The following PACSIN2 variants were observed in gnomAD, a reference collection of about 807,000 sequenced individuals.
The protein encoded by PACSIN2 is protein kinase C and casein kinase substrate in neurons 2, also known as protein kinase C and casein kinase substrate in neurons protein 2.
A neutral mutation model predicts 63.8 loss-of-function variants in PACSIN2; 25 were observed. The ratio of observed to expected loss-of-function variants is 0.39; its 90% CI spans 0.29 to 0.55. The LOEUF is 0.55. Ranked by LOEUF, PACSIN2 falls within the 20% of genes least tolerant of loss-of-function variation. The pLI is 0.62. For synonymous variants in PACSIN2, 255 were observed against 256.2 expected, an observed-to-expected ratio of 1.00 and a Z score of 0.05; for missense variants, 518 against 646.9, an observed-to-expected ratio of 0.80 and a Z score of 2.16.
intron 1 of PACSIN2, among the ~76,000 whole-genome samples, chr22:42,982,870 A>T (rs1293236174): frequency 2.0e-4 from 15 of 76,080 alleles, no homozygotes; most frequent in African/African-American, 9.6e-4. Flanking sequence ...AATGATCAAT[A>T]AAAAAAAAAA....
chr22:42,921,051 C>A (rs896881804), intron 1 of PACSIN2, among the ~76,000 whole-genome samples: 1 of 151,836 alleles, frequency 6.6e-6, no homozygotes, highest in East Asian at 1.9e-4. Flanking sequence ...TGTGCCTGCT[C>A]CAGGGTCATT....
At chr22:42,938,741 G>A (rs569079175) in intron 1 of PACSIN2, among the ~76,000 whole-genome samples, 13 of 152,316 alleles carry the variant, frequency 8.5e-5, no homozygotes, top group African/African-American at 2.9e-4. Flanking sequence ...GGAGCTCCAC[G>A]AGGGAAGGGC....
At chr22:42,992,695 G>T (rs960916863) in intron 1 of PACSIN2, among the ~76,000 whole-genome samples, 2 of 152,306 alleles carry the variant, frequency 1.3e-5, no homozygotes, top group African/African-American at 4.8e-5. Context: ...CTTCATTTGT[G>T]ATTACACCAA....
Position 42,921,022 on chromosome 22 carries a change from T to C in PACSIN2, c.-77-8865A>G, listed in dbSNP as rs960658793. 2.6e-5 allele frequency among the ~76,000 whole-genome samples: 4 copies of C among 151,934 alleles called. No homozygotes were observed. In the East Asian group the frequency reaches 7.8e-4, roughly 29 times the overall value. On this transcript the variant is annotated intron_variant, in intron 1 of 10. Transcript: ENST00000263246. ...TATTGCCCAAGCTGGTCTTGAACTC[T>C]TGGGCTCAAGTGATCCACTGTGCCT...
chr22:43,012,836 T>C (rs190173799), intron 1 of PACSIN2, among the ~76,000 whole-genome samples: 15 of 152,270 alleles, frequency 9.9e-5, no homozygotes, highest in Admixed American at 2.0e-4. Context: ...GTATTTTTAG[T>C]AGACATGGGG....
intron 1 of PACSIN2, among the ~76,000 whole-genome samples, chr22:42,918,274 T>C (rs1198602926): frequency 6.6e-6 from 1 of 152,170 alleles, no homozygotes; most frequent in Non-Finnish European, 1.5e-5. Context: ...CAAAAGCTAT[T>C]TGATGACTGA....
In PACSIN2 at chr22:42,935,082, ATTT is replaced by A. The variant is rs780923075; in HGVS notation, c.-77-22928_-77-22926del. On this transcript the variant is annotated intron_variant, in intron 1 of 10. Coordinates refer to ENST00000263246, the MANE Select transcript of PACSIN2 (RefSeq NM_001184970.3). The stretch of plus-strand genomic sequence containing the variant: ...AGGTGCCCGCCACCGCGCCCGGCTA[ATTT>A]TTTTTTTTTTTTTTTATTTTCAGTA... 4.3e-5 allele frequency among the ~76,000 whole-genome samples: 6 copies of A among 139,920 alleles called. 1 individual carries two copies. Among genetic ancestry groups the A allele is most frequent in the African/African-American group, 8.2e-5 (3 of 36,506 alleles). 91.8% of individuals were successfully genotyped at this position (139,920 alleles called of 152,430 possible). A position where few individuals can be genotyped will look rare whatever the true frequency, so the allele number is the denominator to read the frequency against.
intron 1 of PACSIN2, among the ~76,000 whole-genome samples, chr22:42,933,019 T>C (rs17003421): frequency 0.024 from 3,710 of 152,296 alleles, 148 homozygotes; most frequent in African/African-American, 0.086. Context: ...GTATCAAGAG[T>C]TGCTGTATCA....
At chr22:43,013,434 T>A (rs1924632840) in intron 1 of PACSIN2, among the ~76,000 whole-genome samples, 1 of 152,058 alleles carries the variant, frequency 6.6e-6, no homozygotes, top group South Asian at 2.1e-4. Flanking sequence ...AGAATTAAGT[T>A]TAAGTCCACA....
At chr22:42,975,549 T>C (rs1181097217) in intron 1 of PACSIN2, among the ~76,000 whole-genome samples, 2 of 150,324 alleles carry the variant, frequency 1.3e-5, no homozygotes, top group Non-Finnish European at 3.0e-5. Flanking sequence ...ATGAGTCTCT[T>C]TTTATAAAAT....
At chr22:42,964,907 TG>T (rs1238064390) in intron 1 of PACSIN2, among the ~76,000 whole-genome samples, 1 of 152,018 alleles carries the variant, frequency 6.6e-6, no homozygotes, top group East Asian at 1.9e-4. Context: ...ACCCATGGCT[TG>T]GATAAAAAGA....
At chr22:42,962,775 C>CGGGGGGGGGGGGG (rs1555936911) in intron 1 of PACSIN2, among the ~76,000 whole-genome samples, 3 of 16,412 alleles carry the variant, frequency 1.8e-4, no homozygotes, top group African/African-American at 5.3e-4. Context: ...AAGGTGTGGG[C>CGGGGGGGGGGGGG]GGGGGGGGGG....
intron 1 of PACSIN2, among the ~76,000 whole-genome samples, chr22:42,917,373 A>G (rs1931880482): frequency 2.6e-5 from 4 of 152,334 alleles, no homozygotes; most frequent in Admixed American, 1.3e-4. Flanking sequence ...TTGAGAGGAC[A>G]AGGCAGAAGG....
At chr22:42,902,296 A>G (rs1474679765) in intron 2 of PACSIN2, among the ~76,000 whole-genome samples, 1 of 152,214 alleles carries the variant, frequency 6.6e-6, no homozygotes, top group Non-Finnish European at 1.5e-5. Context: ...AAATGCCATG[A>G]GGCCCACGGA....
intron 2 of PACSIN2, among the ~76,000 whole-genome samples, chr22:42,894,094 G>A (rs540952485): frequency 9.2e-5 from 14 of 152,270 alleles, no homozygotes; most frequent in African/African-American, 3.4e-4. Context: ...TGTGCCAGGC[G>A]ACCTGCTAGG....
intron 1 of PACSIN2, among the ~76,000 whole-genome samples, chr22:42,991,282 A>AG (rs1923023396): frequency 6.6e-6 from 1 of 152,150 alleles, no homozygotes. Flanking sequence ...AAGCTGGTCA[A>AG]GGACAAGCAG....
At chr22:42,984,365 G>A (rs1922461391) in intron 1 of PACSIN2, among the ~76,000 whole-genome samples, 1 of 151,018 alleles carries the variant, frequency 6.6e-6, no homozygotes, top group African/African-American at 2.4e-5. Context: ...AGTTAATAAT[G>A]AGTACAGAAT....
chr22:42,881,650 T>C (rs1929082704), intron 7 of PACSIN2, among the ~76,000 whole-genome samples: 1 of 152,212 alleles, frequency 6.6e-6, no homozygotes, highest in Non-Finnish European at 1.5e-5. Flanking sequence ...AATGTAAAGA[T>C]AATGAAAGCT....
intron 1 of PACSIN2, among the ~76,000 whole-genome samples, chr22:42,930,867 C>T (rs1438674887): frequency 6.6e-6 from 1 of 152,184 alleles, no homozygotes; most frequent in Admixed American, 6.5e-5. Flanking sequence ...TGCTCCAGAG[C>T]CTCCCTGAGC....
Sources: allele counts gnomAD v4.1 joint callset (sites outside exome capture counted in the v4.1 genomes callset), GRCh38; gene constraint gnomAD v4.1.1; transcripts MANE v1.5; gene names NCBI Gene and HGNC (gene_info 2026-07-23, HGNC 2026-07-21).